SOX6: variants seen among roughly 807,000 people sequenced by gnomAD.
The protein encoded by SOX6 is transcription factor SOX-6.
A neutral mutation model predicts 97.8 loss-of-function variants in SOX6; 11 were observed. The observed-to-expected ratio is 0.11, with a 90% CI of 0.07 to 0.19. SOX6 has a LOEUF of 0.19. SOX6 is among the 10% of genes least tolerant of loss of function. The pLI is 1.00. For missense variants in SOX6, 810 were observed against 1,039.5 expected, an observed-to-expected ratio of 0.78 and a Z score of 3.04; for synonymous variants, 360 against 371.4, an observed-to-expected ratio of 0.97 and a Z score of 0.35.
chr11:16,131,323 T>C (rs1849734573), intron 6 of SOX6, among the ~76,000 whole-genome samples: 1 of 151,864 alleles, frequency 6.6e-6, no homozygotes, highest in Non-Finnish European at 1.5e-5. Context: ...AAAGAAAATA[T>C]ATGAGTGGCC....
intron 6 of SOX6, among the ~76,000 whole-genome samples, chr11:16,143,376 G>A (rs962560967): frequency 2.1e-4 from 32 of 152,200 alleles, no homozygotes; most frequent in East Asian, 1.5e-3. Flanking sequence ...AGGAACAACT[G>A]GTACCAGCCA....
chr11:16,420,699 AT>A (rs1217950089), intron 1 of SOX6, among the ~76,000 whole-genome samples: 1 of 152,162 alleles, frequency 6.6e-6, no homozygotes, highest in African/African-American at 2.4e-5. Flanking sequence ...TGAAAACTTA[AT>A]TTTTGTATTG....
In SOX6 at chr11:16,504,060, TAAATAAATA is replaced by T. The variant is rs1860748467; in HGVS notation, n.610-27681_610-27673del. 1.3e-4 allele frequency among the ~76,000 whole-genome samples: 8 copies of T among 62,258 alleles called. No homozygotes were observed. The South Asian group carries it at 2.9e-3, about 23-fold the overall frequency. The allele number at this position is 62,258 out of a possible 152,430, so 40.8% of individuals were successfully genotyped here. A position where few individuals can be genotyped will look rare whatever the true frequency, so the allele number is the denominator to read the frequency against. ...TCCATCTCAAAAATAAATAAATAAA[TAAATAAATA>T]AATAAATAAATAAATAAATAAATAA... On this transcript the variant is annotated intron_variant and non_coding_transcript_variant, in intron 4 of 5. Transcript: ENST00000524520.
intron 1 of SOX6, among the ~76,000 whole-genome samples, chr11:16,461,218 C>T (rs906534689): frequency 6.6e-6 from 1 of 152,114 alleles, no homozygotes; most frequent in African/African-American, 2.4e-5. Context: ...CTTCCCATAA[C>T]ATATACCCTT....
At chr11:16,491,216 A>C (rs1481616057) in intron 4 of SOX6, among the ~76,000 whole-genome samples, 1 of 152,180 alleles carries the variant, frequency 6.6e-6, no homozygotes, top group Non-Finnish European at 1.5e-5. Flanking sequence ...TTGTACAAAA[A>C]CTATATATTG....
chr11:16,311,918 T>C (rs1855613367), intron 3 of SOX6: 1 of 152,194 alleles, frequency 6.6e-6, no homozygotes, highest in Non-Finnish European at 1.5e-5. Flanking sequence ...TGTTTAGAGA[T>C]GTGAACAATG....
chr11:16,614,048 G>A (rs1396243318), intron 3 of SOX6, among the ~76,000 whole-genome samples: 3 of 152,180 alleles, frequency 2.0e-5, no homozygotes, highest in African/African-American at 4.8e-5. Flanking sequence ...CCAATAGCCG[G>A]GAATCGAGCG....
At chr11:16,121,284 C>T (rs1849483694) in intron 6 of SOX6, among the ~76,000 whole-genome samples, 1 of 151,872 alleles carries the variant, frequency 6.6e-6, no homozygotes, top group Admixed American at 6.6e-5. Context: ...TTATTTGTCC[C>T]CTTATTCCAT....
intron 4 of SOX6, among the ~76,000 whole-genome samples, chr11:16,556,557 T>C (rs1847751220): frequency 1.3e-5 from 2 of 151,774 alleles, no homozygotes; most frequent in African/African-American, 4.8e-5. Flanking sequence ...ATTAAAACAT[T>C]AGTTTTTAAT....
intron 3 of SOX6, among the ~76,000 whole-genome samples, chr11:16,239,771 T>C (rs1335870267): frequency 6.6e-6 from 1 of 151,964 alleles, no homozygotes; most frequent in Non-Finnish European, 1.5e-5. Flanking sequence ...CACCAACTGT[T>C]TTGGATAATC....
intron 3 of SOX6, among the ~76,000 whole-genome samples, chr11:16,255,164 A>C (rs1434676927): frequency 1.3e-5 from 2 of 152,080 alleles, no homozygotes; most frequent in Non-Finnish European, 2.9e-5. Context: ...ATTATAGTTG[A>C]AGATTTTAAC....
Position 16,098,492 on chromosome 11 carries a change from C to T in SOX6, c.899-804G>A, listed in dbSNP as rs571213565. Among the ~76,000 whole-genome samples the T allele has an allele frequency of 2.0e-5, 3 of 151,874 alleles. No homozygotes were observed. The East Asian group carries it at 5.8e-4, about 30-fold the overall frequency. ...TTCAGATCATTCCTAAAAAGGGAGA[C>T]GGAAGTACCTTCTGTGACCTAAGAA... On this transcript the variant is annotated intron_variant, in intron 7 of 15. Coordinates refer to ENST00000683767, the MANE Select transcript of SOX6 (RefSeq NM_001367873.1).
chr11:16,246,720 T>C (rs1220251631), intron 3 of SOX6, among the ~76,000 whole-genome samples: 2 of 152,126 alleles, frequency 1.3e-5, no homozygotes, highest in African/African-American at 2.4e-5. Context: ...TGTTTATACT[T>C]CTTGGATCTA....
intron 15 of SOX6, among the ~76,000 whole-genome samples, chr11:15,981,079 C>T (rs1853640756): frequency 6.6e-6 from 1 of 152,062 alleles, no homozygotes; most frequent in African/African-American, 2.4e-5. Context: ...ATAAGAAATC[C>T]AGCCAGCAGG....
intron 4 of SOX6, among the ~76,000 whole-genome samples, chr11:16,488,318 G>A (rs931010911): frequency 1.3e-5 from 2 of 152,074 alleles, no homozygotes; most frequent in Admixed American, 6.5e-5. Context: ...AATGTGTAAA[G>A]AGAAGAAAGC....
chr11:16,551,508 G>A (rs1302360275), intron 4 of SOX6, among the ~76,000 whole-genome samples: 4 of 151,968 alleles, frequency 2.6e-5, no homozygotes, highest in Non-Finnish European at 5.9e-5. Flanking sequence ...TAGATTCACA[G>A]CATGTGACAC....
intron 15 of SOX6, among the ~76,000 whole-genome samples, chr11:15,980,478 AG>A (rs1853623329): frequency 6.6e-6 from 1 of 152,040 alleles, no homozygotes; most frequent in African/African-American, 2.4e-5. Flanking sequence ...TATCATTATC[AG>A]CATAAAAAGA....
At chr11:16,395,811 C>T (rs116951845) in intron 1 of SOX6, among the ~76,000 whole-genome samples, 17 of 151,550 alleles carry the variant, frequency 1.1e-4, no homozygotes, top group African/African-American at 3.9e-4. Flanking sequence ...ACTAGCATGA[C>T]GACAGGGAGA....
chr11:16,021,412 T>TG lies in SOX6; in HGVS notation c.1624-6363dup, dbSNP rs1239887123. On this transcript the variant is annotated intron_variant, in intron 12 of 15. Transcript: ENST00000683767. ...TCCTTTTTATTGACTTAACAAACAC[T>TG]GTCACTTTGTTATACTTTATTTTAG... is the stretch of plus-strand genomic sequence containing the variant. Among the ~76,000 whole-genome samples the TG allele has an allele frequency of 1.1e-4, 17 of 152,296 alleles. No homozygotes were observed. In the East Asian group the frequency reaches 2.9e-3, roughly 26 times the overall value.
Sources: allele counts gnomAD v4.1 joint callset (sites outside exome capture counted in the v4.1 genomes callset), GRCh38; gene constraint gnomAD v4.1.1; transcripts MANE v1.5; gene names NCBI Gene and HGNC (gene_info 2026-07-23, HGNC 2026-07-21).